MYL10: variants seen among roughly 807,000 people sequenced by gnomAD.
The protein encoded by MYL10 is myosin regulatory light chain 10.
MYL10 carries 18 observed loss-of-function variants against 21.9 expected under a neutral mutation model. The observed-to-expected ratio is 0.82, with a 90% CI of 0.57 to 1.22. MYL10 has a LOEUF of 1.22. Among genes scored for constraint, MYL10 ranks in the 50% most tolerant of loss-of-function variants. MYL10 has a pLI of 0.00. For missense variants in MYL10, 225 were observed against 230.4 expected (o/e 0.98, Z 0.15); for synonymous variants, 88 against 82.8 (o/e 1.06, Z -0.34).
chr7:101,626,658 C>T (rs762482450), intron 1 of MYL10, among the ~76,000 whole-genome samples: 3 of 152,132 alleles, frequency 2.0e-5, no homozygotes, highest in African/African-American at 7.2e-5. Context: ...CACGCTGCCC[C>T]AAATACTGAC....
At chr7:101,624,080 G>A (rs905606715) in intron 2 of MYL10, 59 bp from the exon 3 acceptor site, 84 of 767,146 alleles carry the variant, frequency 1.1e-4, no homozygotes, top group Non-Finnish European at 1.8e-4. Context: ...TCAGCCCCTC[G>A]AGACTGAGGA....
chr7:101,613,802 A>T, intron 6 of MYL10, 92 bp from the exon 7 acceptor site: 7 of 1,195,806 alleles, frequency 5.9e-6, no homozygotes, highest in African/African-American at 1.5e-5. Flanking sequence ...AAGTGGGGGC[A>T]GGGGGACATC....
At chr7:101,621,252 G>A (rs1410772761) in intron 5 of MYL10, among the ~76,000 whole-genome samples, 1 of 152,152 alleles carries the variant, frequency 6.6e-6, no homozygotes, top group Non-Finnish European at 1.5e-5. Flanking sequence ...AGGGTTTGGG[G>A]TTGAGGTTGC....
At chr7:101,629,002 T>A (rs1430037809) in intron 1 of MYL10, 39 bp downstream of exon 1, 1 of 452,060 alleles carries the variant, frequency 2.2e-6, no homozygotes, top group African/African-American at 2.0e-5. Context: ...CCAAGGCAGA[T>A]AAGAAGTGGG....
intron 5 of MYL10, among the ~76,000 whole-genome samples, chr7:101,617,652 C>T (rs117878708): frequency 0.02 from 2,999 of 151,806 alleles, 38 homozygotes; most frequent in Middle Eastern, 0.068. Context: ...AGTGGGTCAT[C>T]GCCATCTGTT....
At chr7:101,613,785 G>T in intron 6 of MYL10, 75 bp from the exon 7 acceptor site, 1 of 1,429,166 alleles carries the variant, frequency 7.0e-7, no homozygotes. Flanking sequence ...CAGGGGTGAT[G>T]AGGGGCAAGT....
intron 2 of MYL10, 28 bp downstream of exon 2, chr7:101,624,143 AT>A (rs1036790375): frequency 1.4e-6 from 2 of 1,438,576 alleles, no homozygotes; most frequent in African/African-American, 2.8e-5. Context: ...AAGAATCCTC[AT>A]AACAGCCCCA....
intron 1 of MYL10, among the ~76,000 whole-genome samples, chr7:101,625,423 C>T (rs949163974): frequency 6.6e-6 from 1 of 152,176 alleles, no homozygotes; most frequent in African/African-American, 2.4e-5. Context: ...AATGGGTTCC[C>T]ACCACCAGCT....
chr7:101,613,782 G>T, intron 6 of MYL10, 72 bp from the exon 7 acceptor site: 1 of 1,467,118 alleles, frequency 6.8e-7, no homozygotes, highest in Non-Finnish European at 9.5e-7. Context: ...TCCCAGGGGT[G>T]ATGAGGGGCA....
At chr7:101,613,820 A>C in intron 6 of MYL10, 110 bp from the exon 7 acceptor site, 1 of 1,066,092 alleles carries the variant, frequency 9.4e-7, no homozygotes, top group South Asian at 1.3e-5. Flanking sequence ...ATCCTGGACC[A>C]GGAGGACATC....
intron 1 of MYL10, among the ~76,000 whole-genome samples, chr7:101,626,476 G>A (rs1398278279): frequency 6.6e-6 from 1 of 152,214 alleles, no homozygotes; most frequent in Non-Finnish European, 1.5e-5. Flanking sequence ...CCAAGTCAGA[G>A]CTCTGTGCCG....
chr7:101,628,039 C>T lies in MYL10; in HGVS notation c.78+1002G>A, dbSNP rs971193282. Among the ~76,000 whole-genome samples, 2 of 152,324 alleles carry T rather than the reference C, an allele frequency of 1.3e-5. 1 individual carries two copies. The highest frequency in any genetic ancestry group is 4.1e-4 in the South Asian group (2 of 4,824). On this transcript the variant is annotated intron_variant, in intron 1 of 7. Coordinates refer to ENST00000223167, the MANE Select transcript of MYL10 (RefSeq NM_138403.5). ...GGAGAGAGTTTCTGCACCAACCTGG[C>T]CCTCGGGGGCCCCTTCTACCAATAT...
intron 5 of MYL10, among the ~76,000 whole-genome samples, chr7:101,621,888 G>A (rs2130740485): frequency 6.6e-6 from 1 of 152,158 alleles, no homozygotes; most frequent in East Asian, 1.9e-4. Flanking sequence ...GCCTGGCCAA[G>A]GCAGGGGTCT....
intron 5 of MYL10, among the ~76,000 whole-genome samples, chr7:101,621,335 T>G (rs1248409442): frequency 6.6e-6 from 1 of 152,092 alleles, no homozygotes; most frequent in African/African-American, 2.4e-5. Context: ...TCTTCATTTG[T>G]GAATGAGGCT....
In MYL10 at chr7:101,629,123, A is replaced by G; in HGVS notation, c.-5T>C. ...TGAGACCAGCCTAAGCAACATGGTGAAACTCTGTTTCTACAAAAAAATTTT... is the reference window on the plus strand; with the variant it reads ...TGAGACCAGCCTAAGCAACATGGTGGAACTCTGTTTCTACAAAAAAATTTT... On this transcript the variant is annotated 5_prime_UTR_variant, in exon 1 of 8. Coordinates refer to ENST00000223167, the MANE Select transcript of MYL10 (RefSeq NM_138403.5). The G allele has an allele frequency of 5.7e-6, 2 of 352,486 alleles. No homozygotes were observed. Among genetic ancestry groups the G allele is most frequent in the South Asian group, 2.0e-5 (1 of 50,080 alleles). 21.8% of individuals were successfully genotyped at this position (352,486 alleles called of 1,614,324 possible).
intron 1 of MYL10, among the ~76,000 whole-genome samples, chr7:101,625,221 T>C (rs1309325041): frequency 6.6e-6 from 1 of 152,134 alleles, no homozygotes; most frequent in Non-Finnish European, 1.5e-5. Context: ...CCTGCCTCTG[T>C]GATGTCAGGG....
At chr7:101,621,971 G>T in intron 5 of MYL10, 125 bp downstream of exon 5, 1 of 689,480 alleles carries the variant, frequency 1.5e-6, no homozygotes, top group Non-Finnish European at 2.5e-6. Context: ...GCACCTGGGG[G>T]CTGGTGTCTG....
chr7:101,616,416 G>A, intron 5 of MYL10, 118 bp from the exon 6 acceptor site: 1 of 710,664 alleles, frequency 1.4e-6, no homozygotes, highest in East Asian at 2.6e-5. Flanking sequence ...CTGCACAGAG[G>A]CACAGCTCTG....
At chr7:101,626,995 A>G (rs145024731) in intron 1 of MYL10, among the ~76,000 whole-genome samples, 10 of 152,264 alleles carry the variant, frequency 6.6e-5, no homozygotes, top group Middle Eastern at 3.4e-3. Context: ...GAACAAGGTC[A>G]AAGTTGAGAA....
Sources: allele counts gnomAD v4.1 joint callset (sites outside exome capture counted in the v4.1 genomes callset), GRCh38; gene constraint gnomAD v4.1.1; transcripts MANE v1.5; gene names NCBI Gene and HGNC (gene_info 2026-07-23, HGNC 2026-07-21).